Variants in NAV3 observed in about 807,000 individuals in gnomAD.
The protein encoded by NAV3 is pore membrane and/or filament interacting like protein 1.
In NAV3, 87 loss-of-function variants were observed where a neutral mutation model predicts 244.7. That is an observed-to-expected ratio of 0.36 (90% CI 0.30 to 0.42). The LOEUF (loss-of-function observed/expected upper bound fraction) is 0.42. Ranked by LOEUF, NAV3 falls within the 20% of genes least tolerant of loss-of-function variation. The pLI, the probability that NAV3 is intolerant of heterozygous loss-of-function variation, is 1.00. For synonymous variants in NAV3, 1,126 were observed against 1,042.2 expected (o/e 1.08, Z -1.55); for missense variants, 2,663 against 2,893.3 (o/e 0.92, Z 1.83).
chr12:78,136,323 G>C (rs971655610), intron 18 of NAV3, among the ~76,000 whole-genome samples: 1 of 152,012 alleles, frequency 6.6e-6, no homozygotes, highest in Non-Finnish European at 1.5e-5. Flanking sequence ...CAATTTTTCT[G>C]TTTTGCTTTT....
intron 1 of NAV3, among the ~76,000 whole-genome samples, chr12:77,917,445 C>T (rs1887260352): frequency 6.6e-6 from 1 of 151,874 alleles, no homozygotes; most frequent in African/African-American, 2.4e-5. Context: ...GGATGAAATA[C>T]ACATCTTTTA....
In NAV3 at chr12:78,210,780, A is replaced by C. The variant is rs544127731; in HGVS notation, c.*263A>C. On this transcript the variant is annotated 3_prime_UTR_variant, in exon 40 of 40. Coordinates refer to ENST00000397909, the MANE Select transcript of NAV3 (RefSeq NM_001024383.2). ...CCATTACTCAACTGGAAAGGACCCT[A>C]ATGACAGGGCAACTGAACAGATTGC... 698 of 400,702 alleles carry C rather than the reference A, an allele frequency of 1.7e-3. 4 individuals carry two copies. The highest frequency in any genetic ancestry group is 2.6e-3 in the Non-Finnish European group (569 of 222,144). 24.8% of individuals were successfully genotyped at this position (400,702 alleles called of 1,614,324 possible).
intron 2 of NAV3, among the ~76,000 whole-genome samples, chr12:77,822,254 T>G (rs1055282871): frequency 6.6e-6 from 1 of 152,196 alleles, no homozygotes; most frequent in African/African-American, 2.4e-5. Context: ...TCCTGAGAAG[T>G]TCCTCGTTTT....
rs938251343 is a variant in NAV3, at chr12:78,204,220, G to C, written c.6835-715G>C. Reference sequence around the variant, plus strand: ...GGACTGTTGTGGGGTGGGGCGGAGGGGGGAGGGATAGCATTAGGAGATACA... The same window carrying C: ...GGACTGTTGTGGGGTGGGGCGGAGGCGGGAGGGATAGCATTAGGAGATACA... On this transcript the variant is annotated intron_variant, in intron 38 of 39. Transcript: ENST00000397909. 1.2e-4 allele frequency among the ~76,000 whole-genome samples: 19 copies of C among 152,048 alleles called. 1 individual carries two copies. The highest frequency in any genetic ancestry group is 2.8e-4 in the Non-Finnish European group (19 of 67,980).
rs771335214 is a variant in NAV3 at position 78,007,109 on chromosome 12, C to T, written c.1571C>T (p.Ser524Phe). 6.2e-7 allele frequency: 1 copy of T among 1,614,124 alleles called. No individual in the cohort carries two copies. The highest frequency in any genetic ancestry group is 8.5e-7 in the Non-Finnish European group (1 of 1,180,036). Residue 524 changes from serine (S) to phenylalanine (F), a missense_variant, in exon 8 of 40, where the codon TCC becomes TTC. This residue lies in a region of NAV3 where 1,521 missense variants were observed against 1,497.0 expected (regional missense o/e 1.02). Transcript: ENST00000397909. ...AAGAAGGAAAGCTTAATTCCGTCTT[C>T]CAGTGGTATTCCAAAACCAGGCTCT... ...AAKKESLIPS[S>F]SGIPKPGSKV...
At chr12:78,045,082 T>G (rs370168428) in intron 9 of NAV3, among the ~76,000 whole-genome samples, 2 of 152,196 alleles carry the variant, frequency 1.3e-5, no homozygotes, top group South Asian at 2.1e-4. Flanking sequence ...TAAATAGCCC[T>G]TATGATTTTG....
chr12:77,882,585 C>T (rs1034291062), intron 1 of NAV3, among the ~76,000 whole-genome samples: 2 of 152,044 alleles, frequency 1.3e-5, no homozygotes, highest in African/African-American at 4.8e-5. Context: ...CAAGTTGGAC[C>T]TAATTAAACT....
intron 20 of NAV3, among the ~76,000 whole-genome samples, chr12:78,141,954 C>A (rs1956633503): frequency 2.0e-5 from 3 of 151,930 alleles, no homozygotes; most frequent in Non-Finnish European, 2.9e-5. Context: ...AAGCTACCTT[C>A]ATGAAACCTA....
At chr12:77,851,861 G>T (rs1431661224) in intron 1 of NAV3, among the ~76,000 whole-genome samples, 2 of 152,134 alleles carry the variant, frequency 1.3e-5, no homozygotes, top group Non-Finnish European at 2.9e-5. Context: ...TTAATATTAA[G>T]TAGTACTTGC....
chr12:78,124,563 C>A (rs1226339812), intron 16 of NAV3, among the ~76,000 whole-genome samples: 1 of 152,148 alleles, frequency 6.6e-6, no homozygotes, highest in Non-Finnish European at 1.5e-5. Flanking sequence ...AAGCAATTCT[C>A]ATGCCTCAGC....
At chr12:78,196,593 A>G (rs1032966761) in intron 34 of NAV3, among the ~76,000 whole-genome samples, 1 of 152,054 alleles carries the variant, frequency 6.6e-6, no homozygotes, top group Non-Finnish European at 1.5e-5. Flanking sequence ...TATTTAGATT[A>G]AAAGCTATTA....
At chr12:78,022,382 G>A (rs1176434129) in intron 9 of NAV3, among the ~76,000 whole-genome samples, 1 of 152,226 alleles carries the variant, frequency 6.6e-6, no homozygotes, top group Non-Finnish European at 1.5e-5. Flanking sequence ...CTCAGCTTGA[G>A]CACAATGTTT....
intron 2 of NAV3, among the ~76,000 whole-genome samples, chr12:77,766,744 T>TTTTTTTTG: frequency 3.9e-5 from 1 of 25,674 alleles, no homozygotes; most frequent in South Asian, 1.4e-3. Flanking sequence ...AGTTTTTTTT[T>TTTTTTTTG]TTTTTTTTTT....
At chr12:78,135,669 C>T (rs552619735) in intron 18 of NAV3, among the ~76,000 whole-genome samples, 8 of 152,154 alleles carry the variant, frequency 5.3e-5, no homozygotes, top group Non-Finnish European at 1.2e-4. Context: ...CCAATCTTGC[C>T]ACCTTAAACA....
intron 30 of NAV3, among the ~76,000 whole-genome samples, chr12:78,183,106 T>C (rs1444378979): frequency 6.6e-6 from 1 of 152,018 alleles, no homozygotes; most frequent in Non-Finnish European, 1.5e-5. Context: ...GGCAGACCTC[T>C]TTAATTTTTC....
chr12:77,916,909 T>C (rs2137115792), intron 1 of NAV3, among the ~76,000 whole-genome samples: 1 of 152,030 alleles, frequency 6.6e-6, no homozygotes, highest in East Asian at 1.9e-4. Context: ...GAAGATAGAA[T>C]TCAATACCAG....
chr12:78,079,091 C>T (rs557329821), intron 12 of NAV3, among the ~76,000 whole-genome samples: 1 of 152,234 alleles, frequency 6.6e-6, no homozygotes, highest in East Asian at 1.9e-4. Context: ...ATTTGAAAAC[C>T]CCAGCTGTGA....
intron 2 of NAV3, among the ~76,000 whole-genome samples, chr12:77,784,350 A>C (rs538532445): frequency 6.6e-6 from 1 of 152,326 alleles, no homozygotes; most frequent in African/African-American, 2.4e-5. Flanking sequence ...TATCTTTAAG[A>C]AAAACTCACA....
At position 78,119,965 on chromosome 12, in the gene NAV3, T is replaced by C. The variant is rs369804027; in HGVS notation, c.3749+20T>C. ...TCGAAGGTAAGGATGTATAAAATGATGCTGGAAAAATATAAAGGATAAATA... is the reference window on the plus strand; with the variant it reads ...TCGAAGGTAAGGATGTATAAAATGACGCTGGAAAAATATAAAGGATAAATA... On this transcript the variant is annotated intron_variant, in intron 15 of 39. Coordinates refer to ENST00000397909, the MANE Select transcript of NAV3 (RefSeq NM_001024383.2). 89 of 1,584,720 alleles carry C rather than the reference T, an allele frequency of 5.6e-5. No individual in the cohort carries two copies. Among genetic ancestry groups the C allele is most frequent in the Non-Finnish European group, 7.4e-5 (86 of 1,163,642 alleles).
Sources: allele counts gnomAD v4.1 joint callset (sites outside exome capture counted in the v4.1 genomes callset), GRCh38; gene constraint gnomAD v4.1.1; regional missense constraint gnomAD v4.1.1; transcripts MANE v1.5; gene names NCBI Gene and HGNC (gene_info 2026-07-23, HGNC 2026-07-21).